Variants in CXADR observed in about 807,000 individuals in gnomAD.
CXADR encodes CXADR cell adhesion molecule.
Under a neutral mutation model 40.3 loss-of-function variants are expected in CXADR, and 20 were observed. The ratio of observed to expected loss-of-function variants is 0.50; its 90% confidence interval spans 0.35 to 0.72. The LOEUF (loss-of-function observed/expected upper bound fraction) is 0.72, where lower values mean the gene tolerates loss of function less well. Ranked by LOEUF, CXADR falls within the 30% of genes least tolerant of loss-of-function variation. The pLI is 0.01. For synonymous variants in CXADR, 150 were observed against 161.3 expected (o/e 0.93, Z 0.53); for missense variants, 332 against 449.1 (o/e 0.74, Z 2.36).
intron 7 of CXADR, among the ~76,000 whole-genome samples, chr21:17,590,397 A>T (rs2061426655): frequency 6.6e-6 from 1 of 152,078 alleles, no homozygotes; most frequent in Non-Finnish European, 1.5e-5. Flanking sequence ...TTTTGTCCTT[A>T]TGTTACCCTT....
chr21:17,592,526 C>T (rs2061447138), intron 7 of CXADR, among the ~76,000 whole-genome samples: 1 of 151,870 alleles, frequency 6.6e-6, no homozygotes, highest in African/African-American at 2.4e-5. Flanking sequence ...GATAAAAATA[C>T]TTGAAACTTT....
chr21:17,598,553 A>G, downstream of CXADR: 1 of 1,380,592 alleles, frequency 7.2e-7, no homozygotes, highest in Non-Finnish European at 1.0e-6. Context: ...GCCAAGTAGG[A>G]CTACCTGAAA....
chr21:17,603,126 G>A, the CXADR span, among the ~76,000 whole-genome samples: 1 of 152,136 alleles, frequency 6.6e-6, no homozygotes, highest in Non-Finnish European at 1.5e-5. Context: ...TTAAATAGGA[G>A]CCAACTAGGA....
intron 3 of CXADR, among the ~76,000 whole-genome samples, chr21:17,557,106 A>G (rs985181572): frequency 6.6e-6 from 1 of 152,240 alleles, no homozygotes. Context: ...CCCATTCACG[A>G]CTGAAAAAAT....
At position 17,566,836 on chromosome 21, in the gene CXADR, G is replaced by GGAGGAT. The variant is rs2123335823; in HGVS notation, c.*1146_*1151dup. 1 of 977,484 alleles carries GGAGGAT rather than the reference G, an allele frequency of 1.0e-6. No homozygotes were observed. The highest frequency in any genetic ancestry group is 1.1e-4 in the East Asian group (1 of 8,778). 60.6% of individuals were successfully genotyped at this position (977,484 alleles called of 1,614,324 possible). On this transcript the variant is annotated 3_prime_UTR_variant, in exon 7 of 7. Coordinates refer to ENST00000284878, the MANE Select transcript of CXADR (RefSeq NM_001338.5). ...CCATCAATTCTGTATTCCAGACTTG[G>GGAGGAT]GAGGATGTACAGTTGCTGTTGTGTG...
At chr21:17,554,026 G>A (rs537959080) in intron 3 of CXADR, among the ~76,000 whole-genome samples, 3 of 152,284 alleles carry the variant, frequency 2.0e-5, no homozygotes, top group East Asian at 1.9e-4. Context: ...AGATGTATAC[G>A]GAATATTAAC....
chr21:17,565,759 C>G lies in CXADR; in HGVS notation c.*67C>G, dbSNP rs2061199644. 1 of 1,555,706 alleles carries G rather than the reference C, an allele frequency of 6.4e-7. No homozygotes were observed. The highest frequency in any genetic ancestry group is 1.4e-5 in the African/African-American group (1 of 73,108). On this transcript the variant is annotated 3_prime_UTR_variant, in exon 7 of 7. Transcript: ENST00000284878. The stretch of plus-strand genomic sequence containing the variant: ...TTTTTTTGATATATGAAAACCTATT[C>G]TGGTCTAAATTGTGTTACTAGCCTC...
chr21:17,585,493 G>A (rs1452371682), intron 7 of CXADR, among the ~76,000 whole-genome samples: 1 of 151,836 alleles, frequency 6.6e-6, no homozygotes, highest in Non-Finnish European at 1.5e-5. Flanking sequence ...CGATTCCAAT[G>A]ATCTGTCTTT....
intron 1 of CXADR, among the ~76,000 whole-genome samples, chr21:17,526,371 C>A (rs1169945593): frequency 6.6e-6 from 1 of 152,074 alleles, no homozygotes; most frequent in Non-Finnish European, 1.5e-5. Flanking sequence ...CTTACTTAAT[C>A]TCTTGTAGTC....
Position 17,561,336 on chromosome 21 carries a change from A to G in CXADR, c.695-2A>G. The stretch of plus-strand genomic sequence containing the variant: ...TTTTACTATTAATTCTTCTTATTTT[A>G]GCTTCAAATAAAGCTGGACTAATTG... On this transcript the variant is annotated splice_acceptor_variant, in intron 5 of 6. Transcript: ENST00000284878. LOFTEE classifies it high-confidence loss of function. 6.5e-7 allele frequency: 1 copy of G among 1,545,076 alleles called. No individual in the cohort carries two copies. The highest frequency in any genetic ancestry group is 1.2e-5 in the South Asian group (1 of 81,186).
At chr21:17,631,428 A>G in the CXADR span, among the ~76,000 whole-genome samples, 1 of 152,250 alleles carries the variant, frequency 6.6e-6, no homozygotes, top group African/African-American at 2.4e-5. Context: ...AAAGTGTCAA[A>G]TAAAAGTACT....
chr21:17,579,690 G>A (rs956968328), intron 7 of CXADR, among the ~76,000 whole-genome samples: 6 of 152,146 alleles, frequency 3.9e-5, no homozygotes, highest in Admixed American at 6.5e-5. Context: ...AGGAAATTTC[G>A]GATGAAGAAT....
At chr21:17,597,384 A>G (rs1169361071), downstream of CXADR, among the ~76,000 whole-genome samples, 1 of 152,034 alleles carries the variant, frequency 6.6e-6, no homozygotes, top group African/African-American at 2.4e-5. Flanking sequence ...TCCATCACAC[A>G]GAGAAAAAAA....
In CXADR at chr21:17,565,687, G is replaced by C. The variant is rs149825627; in HGVS notation, c.1093G>C (p.Val365Leu). 2 of 1,611,508 alleles carry C rather than the reference G, an allele frequency of 1.2e-6. No individual in the cohort carries two copies. Among genetic ancestry groups the C allele is most frequent in the African/African-American group, 2.7e-5 (2 of 74,816 alleles). Reference sequence around the variant, plus strand: ...AGCACAGAGCAAGGATGGGTCTATAGTATAGAGCCTCCATATGTCTCATCT... The same window carrying C: ...AGCACAGAGCAAGGATGGGTCTATACTATAGAGCCTCCATATGTCTCATCT... ...IPAQSKDGSI[V>L] Residue 365 changes from valine to leucine, a missense_variant, in exon 7 of 7, where the codon GTA becomes CTA. By Grantham distance (32) the Val-to-Leu change is conservative. Around this residue, in one of 3 missense-constraint regions of CXADR, gnomAD observed 150 missense variants for 194.2 expected, o/e 0.77. Transcript: ENST00000284878.
chr21:17,590,222 C>T (rs2061425250), intron 7 of CXADR, among the ~76,000 whole-genome samples: 1 of 84,152 alleles, frequency 1.2e-5, no homozygotes, highest in African/African-American at 4.1e-5. Context: ...ATTTTTGTAG[C>T]TAGGTATTTT....
At chr21:17,587,385 T>C (rs1004894489) in intron 7 of CXADR, among the ~76,000 whole-genome samples, 3 of 152,148 alleles carry the variant, frequency 2.0e-5, no homozygotes, top group Admixed American at 2.0e-4. Context: ...TTTCTCCACA[T>C]CCTCTCCAGC....
At chr21:17,525,684 C>T (rs1311302447) in intron 1 of CXADR, among the ~76,000 whole-genome samples, 1 of 152,180 alleles carries the variant, frequency 6.6e-6, no homozygotes, top group African/African-American at 2.4e-5. Context: ...AAATCTGATA[C>T]TTCTAGAATG....
At chr21:17,594,671 G>T (rs543104076), downstream of CXADR, among the ~76,000 whole-genome samples, 7 of 152,190 alleles carry the variant, frequency 4.6e-5, no homozygotes, top group South Asian at 1.4e-3. Context: ...GGCTAAGCCA[G>T]GAGTCACTTG....
chr21:17,633,556 A>C, the CXADR span, among the ~76,000 whole-genome samples: 1 of 152,200 alleles, frequency 6.6e-6, no homozygotes, highest in Non-Finnish European at 1.5e-5. Context: ...CCCCTCAAAA[A>C]AAATTAAAAG....
Sources: gnomAD v4.1 joint callset for allele counts (sites outside exome capture counted in the v4.1 genomes callset) on GRCh38, gnomAD v4.1.1 for gene constraint, gnomAD v4.1.1 regional missense constraint, MANE v1.5 for transcripts, NCBI Gene and HGNC (gene_info 2026-07-23, HGNC 2026-07-21) for gene names.